The following TMOD1 variants were observed in gnomAD, a reference collection of about 807,000 sequenced individuals.
TMOD1 encodes tropomodulin-1.
In TMOD1, 17 loss-of-function variants were observed where a neutral mutation model predicts 40.6. The ratio of observed to expected loss-of-function variants is 0.42; its 90% CI spans 0.29 to 0.63. TMOD1 has a LOEUF of 0.63. Among genes scored for constraint, TMOD1 ranks in the 20% least tolerant of loss-of-function variants. The pLI, the probability that TMOD1 is intolerant of heterozygous loss-of-function variation, is 0.22. For synonymous variants in TMOD1, 181 were observed against 175.0 expected (o/e 1.03, Z -0.27); for missense variants, 391 against 447.6 (o/e 0.87, Z 1.14).
chr9:97,556,875 G>T (rs1830545010), intron 4 of TMOD1, among the ~76,000 whole-genome samples: 1 of 152,198 alleles, frequency 6.6e-6, no homozygotes, highest in South Asian at 2.1e-4. Context: ...GCGGCAGGAG[G>T]AGCGGTTCCG....
chr9:97,505,609 G>C (rs1003701424), intron 1 of TMOD1, among the ~76,000 whole-genome samples: 1 of 151,890 alleles, frequency 6.6e-6, no homozygotes, highest in Non-Finnish European at 1.5e-5. Flanking sequence ...TCTTTCCACC[G>C]CACACTCTCA....
chr9:97,582,018 A>G (rs1456985370), intron 8 of TMOD1, among the ~76,000 whole-genome samples: 2 of 151,276 alleles, frequency 1.3e-5, no homozygotes, highest in African/African-American at 2.4e-5. Context: ...CCATTTGTCA[A>G]TTTTGTCTTT....
intron 1 of TMOD1, among the ~76,000 whole-genome samples, chr9:97,518,778 C>T (rs553752448): frequency 6.6e-6 from 1 of 152,242 alleles, no homozygotes; most frequent in African/African-American, 2.4e-5. Context: ...TCCCTGCAGC[C>T]GAGGGAAGAG....
At chr9:97,597,719 C>G (rs866624221) in intron 9 of TMOD1, among the ~76,000 whole-genome samples, 3 of 53,348 alleles carry the variant, frequency 5.6e-5, no homozygotes, top group South Asian at 1.4e-3. Context: ...AAAAAATAGG[C>G]AAGCCAGTGC....
intron 1 of TMOD1, among the ~76,000 whole-genome samples, chr9:97,521,724 G>C (rs1485677547): frequency 2.0e-5 from 3 of 152,190 alleles, no homozygotes; most frequent in African/African-American, 7.2e-5. Context: ...GAGAGAAAAG[G>C]ATGGCACTGA....
chr9:97,581,322 A>C (rs1166339538), intron 8 of TMOD1, among the ~76,000 whole-genome samples: 5 of 149,320 alleles, frequency 3.3e-5, no homozygotes, highest in Non-Finnish European at 7.4e-5. Flanking sequence ...AAGGACATGA[A>C]CTCATCATTT....
intron 8 of TMOD1, among the ~76,000 whole-genome samples, chr9:97,573,435 C>T (rs1387800830): frequency 1.3e-5 from 2 of 152,230 alleles, no homozygotes; most frequent in African/African-American, 4.8e-5. Flanking sequence ...CTTGTTTTCC[C>T]AGATTGGATG....
At chr9:97,582,876 C>G (rs1463432198) in intron 8 of TMOD1, among the ~76,000 whole-genome samples, 2 of 149,678 alleles carry the variant, frequency 1.3e-5, no homozygotes, top group Admixed American at 1.3e-4. Context: ...GCTGAAGTTG[C>G]TTATCAGCTT....
chr9:97,542,900 G>C (rs939287495), intron 2 of TMOD1, among the ~76,000 whole-genome samples: 1 of 151,512 alleles, frequency 6.6e-6, no homozygotes, highest in Non-Finnish European at 1.5e-5. Flanking sequence ...GCAATGTTTG[G>C]AGACATTTTT....
At chr9:97,593,257 G>T (rs1410519485) in intron 9 of TMOD1, among the ~76,000 whole-genome samples, 1 of 152,154 alleles carries the variant, frequency 6.6e-6, no homozygotes, top group Admixed American at 6.5e-5. Context: ...GCTGCAGGGG[G>T]ATACCAGCAT....
intron 1 of TMOD1, among the ~76,000 whole-genome samples, chr9:97,519,792 G>A (rs1458633972): frequency 2.0e-5 from 3 of 152,076 alleles, no homozygotes; most frequent in Non-Finnish European, 4.4e-5. Flanking sequence ...GAGGGACCTC[G>A]GAGCCTGACG....
intron 8 of TMOD1, among the ~76,000 whole-genome samples, chr9:97,584,097 G>T (rs1197072585): frequency 6.7e-6 from 1 of 149,182 alleles, no homozygotes; most frequent in African/African-American, 2.4e-5. Flanking sequence ...TGATGTTAGG[G>T]TGTCAATTTT....
intron 8 of TMOD1, among the ~76,000 whole-genome samples, chr9:97,582,857 T>G (rs961936225): frequency 8.8e-5 from 13 of 148,206 alleles, no homozygotes; most frequent in Non-Finnish European, 1.8e-4. Flanking sequence ...TTTTGTATCC[T>G]GAGACTTTGC....
chr9:97,583,944 A>C (rs1302909002), intron 8 of TMOD1, among the ~76,000 whole-genome samples: 1 of 151,664 alleles, frequency 6.6e-6, no homozygotes, highest in Non-Finnish European at 1.5e-5. Flanking sequence ...GATCCTTTTA[A>C]AAAACCAGCT....
At chr9:97,525,547 C>A (rs1399273179) in intron 2 of TMOD1, among the ~76,000 whole-genome samples, 2 of 152,210 alleles carry the variant, frequency 1.3e-5, no homozygotes, top group Non-Finnish European at 2.9e-5. Context: ...GATGGGGTGA[C>A]CTAAGCTTTC....
chr9:97,598,640 GATC>G (rs1461760000), intron 9 of TMOD1, among the ~76,000 whole-genome samples: 2 of 152,184 alleles, frequency 1.3e-5, no homozygotes, highest in Non-Finnish European at 2.9e-5. Flanking sequence ...TGGACATTCT[GATC>G]ATCTAAGGAA....
intron 2 of TMOD1, among the ~76,000 whole-genome samples, chr9:97,534,101 G>A (rs1312526159): frequency 6.6e-6 from 1 of 152,182 alleles, no homozygotes; most frequent in African/African-American, 2.4e-5. Context: ...ACCAGAAATT[G>A]CCACTGGACA....
chr9:97,591,461 TG>T, intron 9 of TMOD1, 26 bp downstream of exon 9: 1 of 1,610,214 alleles, frequency 6.2e-7, no homozygotes, highest in East Asian at 2.2e-5. Context: ...CTTCCTGCCC[TG>T]CCCGCAGTCC....
Position 97,501,775 on chromosome 9 carries a change from C to A in TMOD1, c.-77C>A. ...CCCGCGCCTGTTCCGCAGCCCGCGT[C>A]CGCGCCGGCCCCACAGCTCTGCGTC... On this transcript the variant is annotated 5_prime_UTR_variant, in exon 1 of 10. Transcript: ENST00000259365. The A allele has an allele frequency of 6.5e-6, 1 of 152,834 alleles. No homozygotes were observed. The highest frequency in any genetic ancestry group is 1.8e-4 in the South Asian group (1 of 5,610). The allele number at this position is 152,834 out of a possible 1,614,324, so 9.5% of individuals were successfully genotyped here.
Sources: gnomAD v4.1 joint callset for allele counts (sites outside exome capture counted in the v4.1 genomes callset) on GRCh38, gnomAD v4.1.1 for gene constraint, MANE v1.5 for transcripts, NCBI Gene and HGNC (gene_info 2026-07-23, HGNC 2026-07-21) for gene names.